CAMK2B: variants seen among roughly 807,000 people sequenced by gnomAD.
CAMK2B encodes calcium/calmodulin dependent protein kinase II beta, also known as calcium/calmodulin-dependent protein kinase type II subunit beta.
Under a neutral mutation model 93.7 loss-of-function variants are expected in CAMK2B, and 27 were observed. That is an observed-to-expected ratio of 0.29 (90% CI 0.21 to 0.40). The LOEUF (loss-of-function observed/expected upper bound fraction) is 0.40. CAMK2B is among the 10% of genes least tolerant of loss of function. CAMK2B has a pLI of 1.00. For synonymous variants in CAMK2B, 374 were observed against 358.8 expected (o/e 1.04, Z -0.48); for missense variants, 568 against 895.8 (o/e 0.63, Z 4.67).
intron 5 of CAMK2B, among the ~76,000 whole-genome samples, chr7:44,253,049 G>A (rs1330166127): frequency 6.6e-6 from 1 of 152,130 alleles, no homozygotes; most frequent in African/African-American, 2.4e-5. Context: ...TGGCACCAGA[G>A]CTGCTCACAC....
chr7:44,284,228 G>A lies in CAMK2B; in HGVS notation c.66-3C>T. 1.9e-6 allele frequency: 3 copies of A among 1,608,984 alleles called. No individual in the cohort carries two copies. Among genetic ancestry groups the A allele is most frequent in the Non-Finnish European group, 2.6e-6 (3 of 1,176,390 alleles). ...GTCGGACCACAGAGAAAGCCCCCCTGGGGAGGAAAATGGGGGAGCGAGAGA... is the reference window on the plus strand; with the variant it reads ...GTCGGACCACAGAGAAAGCCCCCCTAGGGAGGAAAATGGGGGAGCGAGAGA... On this transcript the variant is annotated splice_region_variant and splice_polypyrimidine_tract_variant and intron_variant, in intron 1 of 23. Coordinates refer to ENST00000395749, the MANE Select transcript of CAMK2B (RefSeq NM_001220.5).
At chr7:44,246,301 T>G (rs906958378) in intron 6 of CAMK2B, among the ~76,000 whole-genome samples, 22 of 152,020 alleles carry the variant, frequency 1.4e-4, no homozygotes, top group Admixed American at 1.2e-3. Flanking sequence ...TTGCCCAGGC[T>G]GGAGTGCGGT....
chr7:44,285,821 G>A (rs1179273341), intron 1 of CAMK2B, among the ~76,000 whole-genome samples: 2 of 118,948 alleles, frequency 1.7e-5, no homozygotes, highest in African/African-American at 6.2e-5. Context: ...CGGGGGGGAG[G>A]CGCGGCGGAG....
chr7:44,226,717 C>G, intron 19 of CAMK2B, 73 bp from the exon 20 acceptor site: 2 of 1,340,170 alleles, frequency 1.5e-6, no homozygotes, highest in Admixed American at 3.2e-5. Context: ...CATGGGCAGA[C>G]AGCCAAGCCA....
chr7:44,313,892 A>G (rs1156820864), intron 1 of CAMK2B, among the ~76,000 whole-genome samples: 1 of 151,550 alleles, frequency 6.6e-6, no homozygotes, highest in African/African-American at 2.4e-5. Context: ...TTCTTCTCAC[A>G]GTTTTTTGTT....
intron 1 of CAMK2B, among the ~76,000 whole-genome samples, chr7:44,298,795 C>T (rs2129169631): frequency 6.6e-6 from 1 of 152,246 alleles, no homozygotes; most frequent in Non-Finnish European, 1.5e-5. Context: ...CATCACTAGC[C>T]ATGAGAGAAA....
intron 6 of CAMK2B, among the ~76,000 whole-genome samples, chr7:44,246,465 G>A (rs2908288): frequency 0.019 from 2,881 of 150,856 alleles, 87 homozygotes; most frequent in African/African-American, 0.064. Context: ...ATGCATACAC[G>A]CACACATGTA....
intron 1 of CAMK2B, among the ~76,000 whole-genome samples, chr7:44,308,210 C>T (rs1792458146): frequency 6.6e-6 from 1 of 152,220 alleles, no homozygotes; most frequent in Non-Finnish European, 1.5e-5. Context: ...CTCTTTGCCC[C>T]TAAAATCCAG....
Position 44,224,243 on chromosome 7 carries a change from C to G in CAMK2B, c.1597+2273G>C, listed in dbSNP as rs749826688. On this transcript the variant is annotated intron_variant, in intron 20 of 23. Transcript: ENST00000395749. This position sits in a 1 kb window ranked among gnomAD's most constrained non-coding sequence, Gnocchi z 4.4. The stretch of plus-strand genomic sequence containing the variant: ...AGGCTGCCCCTGCCCTGCGGAATGG[C>G]GCTGCCCAGACCCCAGCTCAACCCA... Among the ~76,000 whole-genome samples, 1 of 151,816 alleles carries G rather than the reference C, an allele frequency of 6.6e-6. No homozygotes were observed. Among genetic ancestry groups the G allele is most frequent in the African/African-American group, 2.4e-5 (1 of 41,420 alleles).
At chr7:44,229,078 C>A (rs956061727) in intron 18 of CAMK2B, 154 bp from the exon 19 acceptor site, 28 of 770,374 alleles carry the variant, frequency 3.6e-5, no homozygotes, top group Admixed American at 1.0e-4. Flanking sequence ...AGCAGGGAGC[C>A]CCCCCGCCCG....
At chr7:44,304,974 A>G (rs1002892988) in intron 1 of CAMK2B, among the ~76,000 whole-genome samples, 4 of 152,144 alleles carry the variant, frequency 2.6e-5, no homozygotes, top group African/African-American at 9.7e-5. Flanking sequence ...CAGGATAGAG[A>G]AGGACTTTTT....
intron 13 of CAMK2B, among the ~76,000 whole-genome samples, chr7:44,237,419 G>A (rs1296192228): frequency 2.0e-5 from 3 of 152,358 alleles, no homozygotes; most frequent in Admixed American, 1.3e-4. Flanking sequence ...TCAGGCCGAC[G>A]CTGCCATCAG....
chr7:44,221,345 G>A (rs913778947), intron 20 of CAMK2B, among the ~76,000 whole-genome samples: 2 of 152,198 alleles, frequency 1.3e-5, no homozygotes, highest in African/African-American at 4.8e-5. Flanking sequence ...CCCGAGCCTT[G>A]GGTTCTTAGT....
At position 44,311,026 on chromosome 7, in the gene CAMK2B, C is replaced by T. The variant is rs1793390875; in HGVS notation, c.65+14331G>A. Among the ~76,000 whole-genome samples, 1 of 152,178 alleles carries T rather than the reference C, an allele frequency of 6.6e-6. No homozygotes were observed. Among genetic ancestry groups the T allele is most frequent in the Non-Finnish European group, 1.5e-5 (1 of 68,028 alleles). ...CTGAGGAATCATTAAGAAATAATGA[C>T]AGAAACTGGTACTTGCAATGCTGTC... On this transcript the variant is annotated intron_variant, in intron 1 of 23. Transcript: ENST00000395749. The surrounding 1 kb of genome is among the most constrained non-coding windows in gnomAD (Gnocchi z 4.2).
chr7:44,247,338 G>A (rs1459562914), intron 5 of CAMK2B, 146 bp from the exon 6 acceptor site: 2 of 685,350 alleles, frequency 2.9e-6, no homozygotes, highest in Non-Finnish European at 5.3e-6. Context: ...TGGCCAGGAG[G>A]GGCCTCTGGG....
intron 4 of CAMK2B, among the ~76,000 whole-genome samples, chr7:44,257,092 C>T (rs1015763329): frequency 1.2e-4 from 18 of 152,180 alleles, no homozygotes; most frequent in African/African-American, 4.3e-4. Context: ...TACTCCCAGG[C>T]CTGGTTCTCA....
chr7:44,234,277 G>T, intron 15 of CAMK2B, 113 bp downstream of exon 15: 2 of 941,374 alleles, frequency 2.1e-6, no homozygotes, highest in South Asian at 1.8e-5. Context: ...AGTGCTGTCA[G>T]ACAGGCCAGG....
rs1046583389 is a variant in CAMK2B at position 44,224,786 on chromosome 7, C to G, written c.1597+1730G>C. 7.9e-5 allele frequency among the ~76,000 whole-genome samples: 12 copies of G among 151,964 alleles called. No homozygotes were observed. The highest frequency in any genetic ancestry group is 1.2e-4 in the African/African-American group (5 of 41,290). ...GGTGGGGAGGAGACGGGGCCTGAGG[C>G]GGGCCGTGGGCACCTGCCCTATTTA... On this transcript the variant is annotated intron_variant, in intron 20 of 23. Transcript: ENST00000395749. The surrounding 1 kb of genome is among the most constrained non-coding windows in gnomAD (Gnocchi z 4.4).
intron 12 of CAMK2B, among the ~76,000 whole-genome samples, chr7:44,240,052 C>T (rs1007986612): frequency 4.6e-5 from 7 of 152,140 alleles, no homozygotes; most frequent in East Asian, 1.9e-4. Context: ...ACGAGAGAGA[C>T]GGATCACAGA....
Sources: gnomAD v4.1 joint callset for allele counts (sites outside exome capture counted in the v4.1 genomes callset) on GRCh38, gnomAD v4.1.1 for gene constraint, Gnocchi (gnomAD v3.1) non-coding constraint, MANE v1.5 for transcripts, NCBI Gene and HGNC (gene_info 2026-07-23, HGNC 2026-07-21) for gene names.